The following PCDHA9 variants were observed in gnomAD, a reference collection of about 807,000 sequenced individuals.
PCDHA9 encodes protocadherin alpha 9, also known as protocadherin alpha-9.
In PCDHA9, 62 loss-of-function variants were observed where a neutral mutation model predicts 62.0. The ratio of observed to expected loss-of-function variants is 1.00; its 90% CI spans 0.81 to 1.23. PCDHA9 has a LOEUF of 1.23. Ranked by LOEUF, PCDHA9 falls within the 50% of genes most tolerant of loss-of-function variation. The pLI, the probability that PCDHA9 is intolerant of heterozygous loss-of-function variation, is 0.00. For missense variants in PCDHA9, 1,205 were observed against 1,249.8 expected (o/e 0.96, Z 0.54); for synonymous variants, 557 against 567.6 (o/e 0.98, Z 0.27).
intron 1 of PCDHA9, chr5:140,966,397 G>C (rs782390663): frequency 4.5e-5 from 18 of 404,120 alleles, no homozygotes; most frequent in Admixed American, 2.2e-4. Flanking sequence ...CCGCCACTTC[G>C]GCGCGGAATC....
intron 1 of PCDHA9, among the ~76,000 whole-genome samples, chr5:140,874,289 T>G (rs1234939624): frequency 1.3e-5 from 2 of 152,230 alleles, no homozygotes; most frequent in Non-Finnish European, 2.9e-5. Context: ...ACAAAATCTA[T>G]GTGTACTTGT....
chr5:140,862,493 C>G, intron 1 of PCDHA9: 1 of 388,776 alleles, frequency 2.6e-6, no homozygotes, highest in East Asian at 6.9e-5. Flanking sequence ...GGTAATCGCT[C>G]GGAATGGGGA....
At chr5:140,999,993 G>A (rs529237834) in intron 3 of PCDHA9, among the ~76,000 whole-genome samples, 1 of 152,114 alleles carries the variant, frequency 6.6e-6, no homozygotes, top group African/African-American at 2.4e-5. Flanking sequence ...CTGGGTAGTG[G>A]TATTAGATTG....
chr5:140,904,098 A>G (rs184234910), intron 1 of PCDHA9, among the ~76,000 whole-genome samples: 35 of 152,296 alleles, frequency 2.3e-4, no homozygotes, highest in African/African-American at 7.9e-4. Context: ...TAACTACTTT[A>G]GTGGTCATTG....
intron 1 of PCDHA9, among the ~76,000 whole-genome samples, chr5:140,907,751 A>T (rs1443394789): frequency 1.3e-5 from 2 of 152,134 alleles, no homozygotes; most frequent in African/African-American, 4.8e-5. Context: ...CACTTTGTTC[A>T]TGGGCCCATT....
chr5:141,002,555 A>C (rs1349538713), intron 3 of PCDHA9, among the ~76,000 whole-genome samples: 1 of 152,222 alleles, frequency 6.6e-6, no homozygotes, highest in Admixed American at 6.5e-5. Context: ...CCCAGGATCC[A>C]CCAGTTAGTG....
rs782644684 is a variant in PCDHA9 at position 140,870,861 on chromosome 5, G to C, written c.2394+19972G>C. The C allele has an allele frequency of 1.9e-6, 3 of 1,613,770 alleles. No individual in the cohort carries two copies. The African/African-American group carries it at 4.0e-5, about 22-fold the overall frequency. ...AGCTAGTACCGCGGTCGGTGGGTGC[G>C]GGCCACGTGGTGGCGAAGGTGCGCG... On this transcript the variant is annotated intron_variant, in intron 1 of 3. Coordinates refer to ENST00000532602, the MANE Select transcript of PCDHA9 (RefSeq NM_031857.2).
chr5:140,998,805 C>T (rs1226450562), intron 3 of PCDHA9, among the ~76,000 whole-genome samples: 1 of 152,204 alleles, frequency 6.6e-6, no homozygotes, highest in Admixed American at 6.5e-5. Flanking sequence ...CTCAGGTGAT[C>T]TGCCTGCCTT....
intron 1 of PCDHA9, among the ~76,000 whole-genome samples, chr5:140,973,258 C>T (rs952911948): frequency 1.3e-5 from 2 of 152,168 alleles, no homozygotes; most frequent in African/African-American, 4.8e-5. Flanking sequence ...CTTTCAGTGG[C>T]ACCTACTTTT....
intron 1 of PCDHA9, among the ~76,000 whole-genome samples, chr5:140,956,090 C>T (rs964801271): frequency 1.3e-5 from 2 of 152,162 alleles, no homozygotes; most frequent in Non-Finnish European, 2.9e-5. Flanking sequence ...ATGTCATCTG[C>T]AAACAAAGAT....
chr5:140,999,265 A>G (rs1554256725), intron 3 of PCDHA9, among the ~76,000 whole-genome samples: 1 of 152,226 alleles, frequency 6.6e-6, no homozygotes, highest in African/African-American at 2.4e-5. Flanking sequence ...GTAAAGGAAT[A>G]CTGCATAGTA....
chr5:140,886,843 A>G (rs1247447766), intron 1 of PCDHA9, among the ~76,000 whole-genome samples: 8 of 150,852 alleles, frequency 5.3e-5, no homozygotes, highest in African/African-American at 1.5e-4. Flanking sequence ...AAAAAAAAAA[A>G]AAAAGAAAGG....
At chr5:140,895,835 A>G (rs782780692) in intron 1 of PCDHA9, among the ~76,000 whole-genome samples, 3 of 152,096 alleles carry the variant, frequency 2.0e-5, no homozygotes, top group Non-Finnish European at 4.4e-5. Context: ...TTTTCAGACA[A>G]AGTCTCACTC....
At chr5:140,927,146 A>T (rs2083897470) in intron 1 of PCDHA9, 1 of 1,614,156 alleles carries the variant, frequency 6.2e-7, no homozygotes, top group East Asian at 2.2e-5. Context: ...GACCGCGAAC[A>T]GCTGTGCAGG....
intron 1 of PCDHA9, chr5:140,882,108 A>G: frequency 7.3e-7 from 1 of 1,370,912 alleles, no homozygotes; most frequent in Non-Finnish European, 9.8e-7. Flanking sequence ...TCCGCGAAGA[A>G]AGCCGCCGTT....
chr5:140,869,481 TAACG>T (rs1306564737), intron 1 of PCDHA9: 1 of 1,613,970 alleles, frequency 6.2e-7, no homozygotes, highest in African/African-American at 1.3e-5. Flanking sequence ...TGAAGGACAT[TAACG>T]ACAACCCGCC....
intron 1 of PCDHA9, among the ~76,000 whole-genome samples, chr5:140,908,042 C>T (rs2073761027): frequency 1.3e-5 from 2 of 152,196 alleles, no homozygotes; most frequent in African/African-American, 2.4e-5. Context: ...TATATAATTG[C>T]ACATCCGGCC....
chr5:140,891,040 C>A (rs2062916193), intron 1 of PCDHA9, among the ~76,000 whole-genome samples: 1 of 145,080 alleles, frequency 6.9e-6, no homozygotes, highest in Admixed American at 6.6e-5. Context: ...TTAGGTGTGA[C>A]CCCCACAGCA....
intron 1 of PCDHA9, chr5:140,927,906 CG>C: frequency 6.2e-7 from 1 of 1,614,180 alleles, no homozygotes. Context: ...ATCATGCCCC[CG>C]AACTGGACTT....
Sources: allele counts gnomAD v4.1 joint callset (sites outside exome capture counted in the v4.1 genomes callset), GRCh38; gene constraint gnomAD v4.1.1; transcripts MANE v1.5; gene names NCBI Gene and HGNC (gene_info 2026-07-23, HGNC 2026-07-21).